SEMA6B: variants seen among roughly 807,000 people sequenced by gnomAD.
The protein encoded by SEMA6B is semaphorin-6B.
SEMA6B carries 47 observed loss-of-function variants against 78.6 expected under a neutral mutation model. The ratio of observed to expected loss-of-function variants is 0.60; its 90% CI spans 0.47 to 0.76. SEMA6B has a LOEUF of 0.76. Ranked by LOEUF, SEMA6B falls within the 30% of genes least tolerant of loss-of-function variation. The probability of loss-of-function intolerance (pLI) is 0.00; values close to 1 mark genes in which losing one functional copy is unlikely to be tolerated. For synonymous variants in SEMA6B, 632 were observed against 592.2 expected (o/e 1.07, Z -0.98); for missense variants, 1,213 against 1,269.9 (o/e 0.96, Z 0.68).
In SEMA6B at chr19:4,552,702, G is replaced by A; in HGVS notation, c.772-63C>T. ...GTGTCCCAGGAAGGCCTGTTCACAG[G>A]CTGTGCCACTCACCACCCAAACTGT... On this transcript the variant is annotated intron_variant, in intron 9 of 16. Transcript: ENST00000586582. The surrounding 1 kb of genome is among the most constrained non-coding windows in gnomAD (Gnocchi z 7.4). 1 of 1,469,840 alleles carries A rather than the reference G, an allele frequency of 6.8e-7. No homozygotes were observed. The highest frequency in any genetic ancestry group is 9.2e-7 in the Non-Finnish European group (1 of 1,082,322). 91.0% of individuals were successfully genotyped at this position (1,469,840 alleles called of 1,614,324 possible).
At position 4,546,240 on chromosome 19, in the gene SEMA6B, T is replaced by C. The variant is rs767861913; in HGVS notation, c.1714A>G (p.Thr572Ala). The C allele has an allele frequency of 9.9e-6, 16 of 1,612,636 alleles. No individual in the cohort carries two copies. The highest frequency in any genetic ancestry group is 1.4e-5 in the Non-Finnish European group (16 of 1,179,888). Reference sequence around the variant, plus strand: ...CCTGTGCAGTCCCCTAAGCCTGAGGTGCTGGCCCCGGACACGTCCTGCTCA... The same window carrying C: ...CCTGTGCAGTCCCCTAAGCCTGAGGCGCTGGCCCCGGACACGTCCTGCTCA... ...AFEQDVSGASTSGLGDCTGLL... is the reference protein window; with the variant it reads ...AFEQDVSGASASGLGDCTGLL... The change falls in exon 16 of 17, where the codon ACC becomes GCC. Residue 572 changes from threonine (T) to alanine (A), a missense_variant. Coordinates refer to ENST00000586582, the MANE Select transcript of SEMA6B (RefSeq NM_032108.4).
rs998029763 is a variant in SEMA6B, at chr19:4,557,227, G to A, written c.246-4C>T. Reference sequence around the variant, plus strand: ...CTCTACGCGGTAGAGGTTGTCCCTGGGGGAGGGGCATAGTTAGTGAGAACT... The same window carrying A: ...CTCTACGCGGTAGAGGTTGTCCCTGAGGGAGGGGCATAGTTAGTGAGAACT... On this transcript the variant is annotated splice_region_variant and splice_polypyrimidine_tract_variant and intron_variant, in intron 3 of 16. Coordinates refer to ENST00000586582, the MANE Select transcript of SEMA6B (RefSeq NM_032108.4). 8.3e-6 allele frequency: 13 copies of A among 1,571,712 alleles called. No homozygotes were observed. Among genetic ancestry groups the A allele is most frequent in the South Asian group, 2.4e-5 (2 of 84,088 alleles).
chr19:4,549,627 T>C (rs10409915), intron 12 of SEMA6B, among the ~76,000 whole-genome samples: 93,924 of 151,478 alleles, frequency 0.62, 30,196 homozygotes, highest in East Asian at 0.87. Flanking sequence ...TACAGGCGCC[T>C]GCCACCACGC....
At position 4,543,137 on chromosome 19, in the gene SEMA6B, C is replaced by G; in HGVS notation, c.*464G>C. The G allele has an allele frequency of 1.6e-6, 1 of 616,716 alleles. No homozygotes were observed. Among genetic ancestry groups the G allele is most frequent in the Non-Finnish European group, 2.9e-6 (1 of 342,504 alleles). The allele number at this position is 616,716 out of a possible 1,614,324, so 38.2% of individuals were successfully genotyped here. On this transcript the variant is annotated 3_prime_UTR_variant, in exon 17 of 17. Transcript: ENST00000586582. The stretch of plus-strand genomic sequence containing the variant: ...CACACGAACACGGCACGCACACGCA[C>G]GCACACCCACACACGCCAGGGGCCT...
At chr19:4,557,096 G>C in intron 4 of SEMA6B, 67 bp downstream of exon 4, 1 of 1,588,646 alleles carries the variant, frequency 6.3e-7, no homozygotes, top group Non-Finnish European at 8.6e-7. Flanking sequence ...AATCCACCCA[G>C]CTCCCCGGCG....
chr19:4,556,278 C>G (rs1977467510), intron 5 of SEMA6B, among the ~76,000 whole-genome samples, 189 bp from the exon 6 acceptor site: 1 of 152,098 alleles, frequency 6.6e-6, no homozygotes, highest in African/African-American at 2.4e-5. Context: ...ATCAGCAACG[C>G]AGGCAAGGCC....
Position 4,556,033 on chromosome 19 carries a change from A to C in SEMA6B, c.426T>G (p.Phe142Leu), listed in dbSNP as rs746733754. Residue 142 changes from phenylalanine (F) to leucine (L), a missense_variant, in exon 6 of 17, where the codon TTT becomes TTG. By Grantham distance (22) the Phe-to-Leu change is conservative. Transcript: ENST00000586582. ...VLLLRDESTL[F>L]VCGSNAFNPV... ...GGTTGAAGGCGTTGGAACCGCACAC[A>C]AAGAGCGTGGACTCGTCCCGAAGGA... 2 of 1,614,162 alleles carry C rather than the reference A, an allele frequency of 1.2e-6. No individual in the cohort carries two copies. Among genetic ancestry groups the C allele is most frequent in the South Asian group, 2.2e-5 (2 of 91,082 alleles).
intron 5 of SEMA6B, among the ~76,000 whole-genome samples, chr19:4,556,394 G>A (rs947640559): frequency 2.2e-4 from 33 of 152,136 alleles, no homozygotes; most frequent in Admixed American, 2.6e-4. Context: ...CGGCCGATTG[G>A]GGTGGGGCAT....
chr19:4,546,521 C>A, intron 14 of SEMA6B, 52 bp from the exon 15 acceptor site: 2 of 1,332,834 alleles, frequency 1.5e-6, no homozygotes, highest in South Asian at 2.9e-5. Flanking sequence ...ACTTACACAA[C>A]CCCAATGGTG....
At position 4,548,326 on chromosome 19, in the gene SEMA6B, C is replaced by T. The variant is rs376280185; in HGVS notation, c.1391G>A (p.Ser464Asn). Reference sequence around the variant, plus strand: ...ACTGAGCCCAGACGTCCCTGAGGTGCTGGCATTGGGCCGGACGAGGAACTT... The same window carrying T: ...ACTGAGCCCAGACGTCCCTGAGGTGTTGGCATTGGGCCGGACGAGGAACTT... ...VLKFLVRPNA[S>N]TSGTSGLSVF... The change falls in exon 13 of 17, where the codon AGC (serine) becomes AAC (asparagine). Residue 464 changes from serine to asparagine, a missense_variant. Coordinates refer to ENST00000586582, the MANE Select transcript of SEMA6B (RefSeq NM_032108.4). 7 of 1,613,850 alleles carry T rather than the reference C, an allele frequency of 4.3e-6. No homozygotes were observed. Among genetic ancestry groups the T allele is most frequent in the African/African-American group, 1.3e-5 (1 of 74,942 alleles).
At chr19:4,551,243 C>T (rs1401564918) in intron 10 of SEMA6B, among the ~76,000 whole-genome samples, 2 of 148,116 alleles carry the variant, frequency 1.4e-5, no homozygotes, top group Admixed American at 6.7e-5. Flanking sequence ...TTTTGGAGAC[C>T]GAGTCTTGCT....
intron 16 of SEMA6B, 34 bp downstream of exon 16, chr19:4,546,182 A>G: frequency 1.3e-6 from 2 of 1,569,970 alleles, no homozygotes; most frequent in Non-Finnish European, 8.7e-7. Flanking sequence ...GTAGTGGGGG[A>G]TGGGGGTCTT....
At chr19:4,546,342 T>G in intron 15 of SEMA6B, 50 bp downstream of exon 15, 1 of 1,595,382 alleles carries the variant, frequency 6.3e-7, no homozygotes. Context: ...GGATCTGGGA[T>G]CATGGGCGGG....
At chr19:4,553,008 T>C (rs1256508443) in intron 9 of SEMA6B, among the ~76,000 whole-genome samples, 1 of 152,118 alleles carries the variant, frequency 6.6e-6, no homozygotes, top group African/African-American at 2.4e-5. Context: ...GTCACAATAG[T>C]AGTTAGTGGC....
At chr19:4,554,132 T>G (rs552110436) in intron 9 of SEMA6B, among the ~76,000 whole-genome samples, 3 of 151,260 alleles carry the variant, frequency 2.0e-5, no homozygotes, top group Admixed American at 6.6e-5. Flanking sequence ...GGTGGGTGGG[T>G]GGACAGGTGA....
chr19:4,557,258 C>CG, intron 3 of SEMA6B, 35 bp from the exon 4 acceptor site: 1 of 1,503,468 alleles, frequency 6.7e-7, no homozygotes, highest in South Asian at 1.3e-5. Flanking sequence ...GAACTGGGGG[C>CG]TCCGCCACCC....
At position 4,555,546 on chromosome 19, in the gene SEMA6B, C is replaced by G. The variant is rs777813030; in HGVS notation, c.490G>C (p.Val164Leu). ...ANYSIDTLQP[V>L]GDNISGMARC... Reference sequence around the variant, plus strand: ...GCCATACCGCTGATGTTGTCTCCGACGGGCTGCAGGGTGTCTATCTGCAGG... The same window carrying G: ...GCCATACCGCTGATGTTGTCTCCGAGGGGCTGCAGGGTGTCTATCTGCAGG... The change falls in exon 7 of 17, where the codon GTC (valine) becomes CTC (leucine). Residue 164 changes from valine (V) to leucine (L), a missense_variant. Transcript: ENST00000586582. The surrounding 1 kb of genome is among the most constrained non-coding windows in gnomAD (Gnocchi z 6.1). 50 of 1,613,508 alleles carry G rather than the reference C, an allele frequency of 3.1e-5. No homozygotes were observed. Among genetic ancestry groups the G allele is most frequent in the Admixed American group, 1.3e-4 (8 of 59,860 alleles).
intron 13 of SEMA6B, 31 bp from the exon 14 acceptor site, chr19:4,548,204 G>T (rs199657343): frequency 6.3e-7 from 1 of 1,588,588 alleles, no homozygotes; most frequent in Non-Finnish European, 8.6e-7. Flanking sequence ...GAGGCTGAGC[G>T]CATCTCAGCC....
At position 4,550,120 on chromosome 19, in the gene SEMA6B, G is replaced by A. The variant is rs748984113; in HGVS notation, c.1271+3C>T. 26 of 1,613,356 alleles carry A rather than the reference G, an allele frequency of 1.6e-5. No homozygotes were observed. Among genetic ancestry groups the A allele is most frequent in the Non-Finnish European group, 1.9e-5 (23 of 1,179,908 alleles). ...CGCCATGCCCTGCCTCTCCAGGACC[G>A]ACCTCATCAGGGTCCGCAGGATCCA... On this transcript the variant is annotated splice_donor_region_variant and intron_variant, in intron 12 of 16. Coordinates refer to ENST00000586582, the MANE Select transcript of SEMA6B (RefSeq NM_032108.4). This position sits in a 1 kb window ranked among gnomAD's most constrained non-coding sequence, Gnocchi z 6.6.
Sources: allele counts gnomAD v4.1 joint callset (sites outside exome capture counted in the v4.1 genomes callset), GRCh38; gene constraint gnomAD v4.1.1; non-coding constraint Gnocchi (gnomAD v3.1); transcripts MANE v1.5; gene names NCBI Gene and HGNC (gene_info 2026-07-23, HGNC 2026-07-21).